The following DYNC2H1 variants were observed in gnomAD, a reference collection of about 807,000 sequenced individuals.
DYNC2H1 encodes dynein cytoplasmic 2 heavy chain 1.
DYNC2H1 carries 410 observed loss-of-function variants against 570.0 expected under a neutral mutation model. That is an observed-to-expected ratio of 0.72 (90% CI 0.66 to 0.78). DYNC2H1 has a LOEUF of 0.78. DYNC2H1 is among the 30% of genes least tolerant of loss of function. The pLI is 0.00. For missense variants in DYNC2H1, 4,865 were observed against 5,046.4 expected, an observed-to-expected ratio of 0.96 and a Z score of 1.09; for synonymous variants, 1,688 against 1,677.6, an observed-to-expected ratio of 1.01 and a Z score of -0.15.
rs756701871 is a variant in DYNC2H1 at position 103,147,778 on chromosome 11, C to G, written c.2709C>G (p.Val903=). 2 of 1,601,362 alleles carry G rather than the reference C, an allele frequency of 1.2e-6. No individual in the cohort carries two copies. Among genetic ancestry groups the G allele is most frequent in the South Asian group, 1.1e-5 (1 of 88,720 alleles). ...GTCCATTGACATTTTTCAGTGCTGT[C>G]AAGGTAGATTGTTTAAATATTAATT... ...GKEVERLPSA[V]KVDCLNINCN... The change falls in exon 19 of 89, where the codon GTC becomes GTG. Residue 903 remains valine (V), a synonymous_variant. Coordinates refer to ENST00000375735, the MANE Select transcript of DYNC2H1 (RefSeq NM_001377.3).
At chr11:103,474,268 A>G (rs948718820) in intron 88 of DYNC2H1, among the ~76,000 whole-genome samples, 1 of 152,308 alleles carries the variant, frequency 6.6e-6, no homozygotes. Flanking sequence ...CCAGAATTGC[A>G]TCACTGAATT....
Position 103,113,592 on chromosome 11 carries a change from A to C in DYNC2H1, c.251A>C (p.Glu84Ala). ...CTGGTGTTTTTCAAGCTGCGACCTG[A>C]AGTAATTACTGATGAGAATCTACAT... ...KVLVFFKLRP[E>A]VITDENLHDN... is the part of the protein sequence containing the mutation. Residue 84 changes from glutamate (E) to alanine (A), a missense_variant, in exon 2 of 89, where the codon GAA (glutamate) becomes GCA (alanine). Around this residue, in one of 5 missense-constraint regions of DYNC2H1, gnomAD observed 1,936 missense variants for 1,962.1 expected, o/e 0.99. Coordinates refer to ENST00000375735, the MANE Select transcript of DYNC2H1 (RefSeq NM_001377.3). The C allele has an allele frequency of 6.3e-7, 1 of 1,579,310 alleles. No individual in the cohort carries two copies. The highest frequency in any genetic ancestry group is 8.6e-7 in the Non-Finnish European group (1 of 1,167,450).
In DYNC2H1 at chr11:103,241,704, T is replaced by C. The variant is rs1262688130; in HGVS notation, c.9820-1989T>C. ...CACAGGCTATTTACTAACCACATCA[T>C]TGTGCTTCGAGTAGTACATTTACGT... On this transcript the variant is annotated intron_variant, in intron 63 of 88. Coordinates refer to ENST00000375735, the MANE Select transcript of DYNC2H1 (RefSeq NM_001377.3). This position sits in a 1 kb window ranked among gnomAD's most constrained non-coding sequence, Gnocchi z 5.1. Among the ~76,000 whole-genome samples the C allele has an allele frequency of 3.3e-5, 5 of 152,160 alleles. No homozygotes were observed. The highest frequency in any genetic ancestry group is 1.2e-4 in the African/African-American group (5 of 41,436).
rs189936145 is a variant in DYNC2H1, at chr11:103,386,685, G to A, written c.12157-12978G>A. Among the ~76,000 whole-genome samples the A allele has an allele frequency of 1.5e-4, 23 of 152,132 alleles. No homozygotes were observed. The East Asian group carries it at 4.1e-3, about 27-fold the overall frequency. On this transcript the variant is annotated intron_variant, in intron 83 of 88. Coordinates refer to ENST00000375735, the MANE Select transcript of DYNC2H1 (RefSeq NM_001377.3). Reference sequence around the variant, plus strand: ...CCCACAACAGGCCCCAGTGTGTGATGTTCCCCTTCCTGTGTACATGTGTTC... The same window carrying A: ...CCCACAACAGGCCCCAGTGTGTGATATTCCCCTTCCTGTGTACATGTGTTC...
At chr11:103,356,807 A>G (rs1449317488) in intron 82 of DYNC2H1, among the ~76,000 whole-genome samples, 1 of 152,216 alleles carries the variant, frequency 6.6e-6, no homozygotes, top group Non-Finnish European at 1.5e-5. Context: ...TAAATCCTAC[A>G]TTCATTCTGA....
In DYNC2H1 at chr11:103,468,637, T is replaced by C. The variant is rs1211701496; in HGVS notation, c.12697T>C (p.Ser4233Pro). 2 of 1,613,800 alleles carry C rather than the reference T, an allele frequency of 1.2e-6. No individual in the cohort carries two copies. The highest frequency in any genetic ancestry group is 1.1e-5 in the South Asian group (1 of 91,046). The change falls in exon 88 of 89, where the codon TCT becomes CCT. Residue 4233 changes from serine (S) to proline (P), a missense_variant. Transcript: ENST00000375735. ...ATGTAGTTTTGATGGAAATCAACTT[T>C]CTGAAAATCAGCTTGATTCTCCCAG... ...EGCSFDGNQL[S>P]ENQLDSPSVS...
rs1241505394 is a variant in DYNC2H1, at chr11:103,395,987, C to A, written c.12157-3676C>A. 2.0e-5 allele frequency among the ~76,000 whole-genome samples: 3 copies of A among 152,084 alleles called. No homozygotes were observed. The highest frequency in any genetic ancestry group is 4.4e-5 in the Non-Finnish European group (3 of 67,992). ...CAACTTTGTTTTTACTTCTAATTTC[C>A]TTTTTTGCTTTTTAAAGTGACTGTT... On this transcript the variant is annotated intron_variant, in intron 83 of 88. Coordinates refer to ENST00000375735, the MANE Select transcript of DYNC2H1 (RefSeq NM_001377.3). This position sits in a 1 kb window ranked among gnomAD's most constrained non-coding sequence, Gnocchi z 4.3.
rs1409721938 is a variant in DYNC2H1 at position 103,120,469 on chromosome 11, A to G, written c.1022A>G (p.His341Arg). Residue 341 changes from histidine (H) to arginine (R), a missense_variant, in exon 7 of 89, where the codon CAT (histidine) becomes CGT (arginine). By Grantham distance (29) the His-to-Arg change is conservative (BLOSUM62 0). Coordinates refer to ENST00000375735, the MANE Select transcript of DYNC2H1 (RefSeq NM_001377.3). Reference sequence around the variant, plus strand: ...TAGGTCTTGGCTATTAGAACAATTCATGAGAAGTTTCTCTATTTTCTACCT... The same window carrying G: ...TAGGTCTTGGCTATTAGAACAATTCGTGAGAAGTTTCTCTATTTTCTACCT... ...LEEVLAIRTI[H>R]EKFLYFLPAS... 5.6e-6 allele frequency: 9 copies of G among 1,611,550 alleles called. 1 individual carries two copies. The highest frequency in any genetic ancestry group is 6.8e-6 in the Non-Finnish European group (8 of 1,178,782).
At chr11:103,313,685 G>A (rs1022614473) in intron 79 of DYNC2H1, among the ~76,000 whole-genome samples, 1 of 152,158 alleles carries the variant, frequency 6.6e-6, no homozygotes, top group Admixed American at 6.5e-5. Context: ...TGTAGAACGA[G>A]AGTAACAATC....
At chr11:103,284,541 A>AC (rs145208781) in intron 73 of DYNC2H1, among the ~76,000 whole-genome samples, 19,244 of 152,130 alleles carry the variant, frequency 0.13, 1,504 homozygotes, top group Admixed American at 0.24. Context: ...AATGTGTAGC[A>AC]CACCTACATT....
At chr11:103,323,291 G>T (rs1938306618) in intron 81 of DYNC2H1, among the ~76,000 whole-genome samples, 1 of 152,156 alleles carries the variant, frequency 6.6e-6, no homozygotes, top group Admixed American at 6.5e-5. Flanking sequence ...TATTCAATGT[G>T]TAGGGTAATT....
chr11:103,356,781 A>G (rs1259271200), intron 82 of DYNC2H1, among the ~76,000 whole-genome samples: 1 of 152,232 alleles, frequency 6.6e-6, no homozygotes, highest in East Asian at 1.9e-4. Flanking sequence ...CAGCATGATT[A>G]TTGATGTTTA....
At chr11:103,372,937 G>T (rs758251305) in intron 83 of DYNC2H1, among the ~76,000 whole-genome samples, 22 of 151,560 alleles carry the variant, frequency 1.5e-4, no homozygotes, top group Middle Eastern at 3.4e-3. Context: ...TTGTTCAATT[G>T]TGTGTGTGTG....
chr11:103,311,433 C>T (rs972338824), intron 78 of DYNC2H1, among the ~76,000 whole-genome samples: 2 of 151,988 alleles, frequency 1.3e-5, no homozygotes, highest in Non-Finnish European at 2.9e-5. Context: ...GCATAAGGAA[C>T]GTTAGTTGAC....
rs1943565647 is a variant in DYNC2H1 at position 103,423,605 on chromosome 11, C to A, written c.12367-12338C>A. Among the ~76,000 whole-genome samples the A allele has an allele frequency of 1.3e-5, 2 of 151,684 alleles. 1 individual carries two copies. Among genetic ancestry groups the A allele is most frequent in the South Asian group, 4.1e-4 (2 of 4,824 alleles). ...AGAAAAAGTGATACATTGGACTTTA[C>A]CAAAATTTTAACCTTCTCTTTAAAA... On this transcript the variant is annotated intron_variant, in intron 84 of 88. Transcript: ENST00000375735.
At chr11:103,276,535 A>G (rs1383642002) in intron 70 of DYNC2H1, among the ~76,000 whole-genome samples, 2 of 152,080 alleles carry the variant, frequency 1.3e-5, no homozygotes, top group Non-Finnish European at 2.9e-5. Context: ...AAATGATACA[A>G]GCTTATTTTT....
At position 103,358,382 on chromosome 11, in the gene DYNC2H1, G is replaced by A. The variant is rs2671333; in HGVS notation, c.12156+23G>A. ...CAGGTTAGTAGTGGAATATTCTTCT[G>A]ATTCTTTTGCTTTTTCTCCCGCATC... On this transcript the variant is annotated intron_variant, in intron 83 of 88. Transcript: ENST00000375735. The A allele has an allele frequency of 0.63, 923,703 of 1,473,174 alleles. 295,943 individuals are homozygous for A. The highest frequency in any genetic ancestry group is 0.7 in the Admixed American group (35,898 of 51,206). The allele number at this position is 1,473,174 out of a possible 1,614,324, so 91.3% of individuals were successfully genotyped here. A position where few individuals can be genotyped will look rare whatever the true frequency, so the allele number is the denominator to read the frequency against.
intron 63 of DYNC2H1, among the ~76,000 whole-genome samples, chr11:103,240,915 A>G (rs1292217766): frequency 3.3e-5 from 5 of 152,144 alleles, no homozygotes; most frequent in South Asian, 2.1e-4. Context: ...GCCATTTTAT[A>G]TGCATCACCT....
chr11:103,468,519 T>C (rs1945269116), intron 87 of DYNC2H1, 70 bp from the exon 88 acceptor site: 3 of 1,029,256 alleles, frequency 2.9e-6, no homozygotes, highest in Non-Finnish European at 1.5e-6. Flanking sequence ...GCTCTTAAGG[T>C]AGAATAGAGT....
Sources: gnomAD v4.1 joint callset for allele counts (sites outside exome capture counted in the v4.1 genomes callset) on GRCh38, gnomAD v4.1.1 for gene constraint, gnomAD v4.1.1 regional missense constraint, Gnocchi (gnomAD v3.1) non-coding constraint, MANE v1.5 for transcripts, NCBI Gene and HGNC (gene_info 2026-07-23, HGNC 2026-07-21) for gene names.